The following HS3ST2 variants were observed in gnomAD, a reference collection of about 807,000 sequenced individuals.
HS3ST2 encodes the protein heparan sulfate glucosamine 3-O-sulfotransferase 2.
Under a neutral mutation model 26.3 loss-of-function variants are expected in HS3ST2, and 17 were observed. That is an observed-to-expected ratio of 0.65 (90% CI 0.44 to 0.97). HS3ST2 has a LOEUF of 0.97. Among genes scored for constraint, HS3ST2 ranks in the 50% least tolerant of loss-of-function variants. The pLI, the probability that HS3ST2 is intolerant of heterozygous loss-of-function variation, is 0.00. For synonymous variants in HS3ST2, 237 were observed against 219.2 expected, an observed-to-expected ratio of 1.08 and a Z score of -0.72; for missense variants, 402 against 501.2, an observed-to-expected ratio of 0.80 and a Z score of 1.89.
intron 1 of HS3ST2, among the ~76,000 whole-genome samples, chr16:22,867,998 G>T (rs1490432699): frequency 6.6e-6 from 1 of 152,170 alleles, no homozygotes; most frequent in Non-Finnish European, 1.5e-5. Context: ...CATTGTATAT[G>T]ATCAAGTTTT....
chr16:22,819,821 T>C (rs1055187104), intron 1 of HS3ST2, among the ~76,000 whole-genome samples: 9 of 152,352 alleles, frequency 5.9e-5, no homozygotes, highest in African/African-American at 1.9e-4. Context: ...TATCACATTA[T>C]CCAGTTCATT....
chr16:22,814,720 T>A lies in HS3ST2; in HGVS notation c.110T>A (p.Phe37Tyr). 3 of 1,609,450 alleles carry A rather than the reference T, an allele frequency of 1.9e-6. No individual in the cohort carries two copies. Among genetic ancestry groups the A allele is most frequent in the Non-Finnish European group, 2.5e-6 (3 of 1,178,620 alleles). The change falls in exon 1 of 2, where the codon TTC (phenylalanine) becomes TAC (tyrosine). Residue 37 changes from phenylalanine to tyrosine, a missense_variant. Around this residue, in one of 2 missense-constraint regions of HS3ST2, gnomAD observed 165 missense variants for 154.6 expected, o/e 1.07. Coordinates refer to ENST00000261374, the MANE Select transcript of HS3ST2 (RefSeq NM_006043.2). Reference sequence around the variant, plus strand: ...TCCTGCACTTACCTGTGTTACAGCTTCCTGTGCTGCTGCGACGACCTGGGT... The same window carrying A: ...TCCTGCACTTACCTGTGTTACAGCTACCTGTGCTGCTGCGACGACCTGGGT... ...SLSCTYLCYS[F>Y]LCCCDDLGRS...
intron 1 of HS3ST2, among the ~76,000 whole-genome samples, chr16:22,911,024 T>A (rs1359319064): frequency 6.6e-6 from 1 of 152,108 alleles, no homozygotes; most frequent in Non-Finnish European, 1.5e-5. Context: ...GCTGGGAGTG[T>A]ATGATGAGAA....
At position 22,915,318 on chromosome 16, in the gene HS3ST2, G is replaced by T. The variant is rs142704208; in HGVS notation, c.860G>T (p.Arg287Leu). 6.2e-7 allele frequency: 1 copy of T among 1,614,062 alleles called. No individual in the cohort carries two copies. Among genetic ancestry groups the T allele is most frequent in the Non-Finnish European group, 8.5e-7 (1 of 1,180,006 alleles). ...ACTGACCCGGCCGGCGAGATGGGGC[G>T]AGTCCAGGACTTCCTGGGCATTAAG... ...LITDPAGEMGRVQDFLGIKRF... is the reference protein window; with the variant it reads ...LITDPAGEMGLVQDFLGIKRF... Residue 287 changes from arginine to leucine, a missense_variant, in exon 2 of 2, where the codon CGA (arginine) becomes CTA (leucine). Physicochemically the swap from Arg to Leu is moderately radical, Grantham distance 102. Transcript: ENST00000261374.
At chr16:22,846,123 C>T (rs1406972856) in intron 1 of HS3ST2, among the ~76,000 whole-genome samples, 2 of 152,034 alleles carry the variant, frequency 1.3e-5, no homozygotes, top group Admixed American at 6.6e-5. Context: ...GCTAAAAATA[C>T]AAAATTAGCC....
At chr16:22,877,130 T>TG (rs1901931494) in intron 1 of HS3ST2, among the ~76,000 whole-genome samples, 1 of 151,952 alleles carries the variant, frequency 6.6e-6, no homozygotes, top group Admixed American at 6.6e-5. Context: ...CTTATTGAAA[T>TG]ACAAAAAAAA....
At chr16:22,821,987 T>A (rs1315016599) in intron 1 of HS3ST2, among the ~76,000 whole-genome samples, 3 of 152,134 alleles carry the variant, frequency 2.0e-5, no homozygotes, top group African/African-American at 7.2e-5. Flanking sequence ...TGGCTCCACC[T>A]CAGTGTCCAT....
chr16:22,884,762 G>T (rs1386844494), intron 1 of HS3ST2, among the ~76,000 whole-genome samples: 1 of 147,006 alleles, frequency 6.8e-6, no homozygotes, highest in African/African-American at 2.5e-5. Flanking sequence ...CATCTATCTT[G>T]ACCATCACTC....
At chr16:22,825,984 C>A (rs1901080207) in intron 1 of HS3ST2, among the ~76,000 whole-genome samples, 1 of 152,138 alleles carries the variant, frequency 6.6e-6, no homozygotes, top group Admixed American at 6.5e-5. Flanking sequence ...AATCATGCTG[C>A]TGCACTCCAG....
At chr16:22,874,616 G>A (rs1026656245) in intron 1 of HS3ST2, among the ~76,000 whole-genome samples, 2 of 152,168 alleles carry the variant, frequency 1.3e-5, no homozygotes, top group Non-Finnish European at 2.9e-5. Context: ...CTGGAACGAG[G>A]CATTATTCAC....
chr16:22,906,516 C>T (rs1381999546), intron 1 of HS3ST2, among the ~76,000 whole-genome samples: 1 of 152,186 alleles, frequency 6.6e-6, no homozygotes, highest in South Asian at 2.1e-4. Context: ...TTAACTTCAC[C>T]ACCCCTTCCC....
At chr16:22,875,652 T>A (rs1901905623) in intron 1 of HS3ST2, among the ~76,000 whole-genome samples, 1 of 152,174 alleles carries the variant, frequency 6.6e-6, no homozygotes, top group Non-Finnish European at 1.5e-5. Flanking sequence ...AATACTGGGA[T>A]TACAGGCATG....
chr16:22,822,260 G>T (rs937322237), intron 1 of HS3ST2, among the ~76,000 whole-genome samples: 4 of 152,004 alleles, frequency 2.6e-5, no homozygotes, highest in Non-Finnish European at 4.4e-5. Flanking sequence ...CAACCTCCCA[G>T]GCTCAAGTGA....
At chr16:22,850,911 A>G (rs982801594) in intron 1 of HS3ST2, among the ~76,000 whole-genome samples, 2 of 152,228 alleles carry the variant, frequency 1.3e-5, no homozygotes, top group Non-Finnish European at 2.9e-5. Flanking sequence ...TGAGGGTTCT[A>G]CTGGGATGAA....
intron 1 of HS3ST2, among the ~76,000 whole-genome samples, chr16:22,868,123 A>T (rs998826511): frequency 2.6e-5 from 4 of 152,150 alleles, no homozygotes; most frequent in Non-Finnish European, 5.9e-5. Context: ...GTCTGGAAAG[A>T]TAGGCTGGGC....
chr16:22,816,848 T>C (rs1393784977), intron 1 of HS3ST2, among the ~76,000 whole-genome samples: 1 of 152,204 alleles, frequency 6.6e-6, no homozygotes, highest in Non-Finnish European at 1.5e-5. Context: ...CTTTTGCCAA[T>C]GCGAAGTGCC....
chr16:22,826,964 G>T (rs1405831172), intron 1 of HS3ST2, among the ~76,000 whole-genome samples: 1 of 152,224 alleles, frequency 6.6e-6, no homozygotes, highest in Admixed American at 6.5e-5. Context: ...ATCTATGTCA[G>T]ATGGTGGTAA....
At chr16:22,815,202 G>A in intron 1 of HS3ST2, 107 bp downstream of exon 1, 1 of 1,429,946 alleles carries the variant, frequency 7.0e-7, no homozygotes, top group Non-Finnish European at 9.5e-7. Flanking sequence ...CTCATTGTAT[G>A]GGTTCAGGCT....
intron 1 of HS3ST2, among the ~76,000 whole-genome samples, chr16:22,872,933 G>T (rs548344103): frequency 1.3e-5 from 2 of 152,252 alleles, no homozygotes; most frequent in African/African-American, 4.8e-5. Context: ...AGGCTCTGGA[G>T]CCACAAAGCC....
Sources: allele counts gnomAD v4.1 joint callset (sites outside exome capture counted in the v4.1 genomes callset), GRCh38; gene constraint gnomAD v4.1.1; regional missense constraint gnomAD v4.1.1; transcripts MANE v1.5; gene names NCBI Gene and HGNC (gene_info 2026-07-23, HGNC 2026-07-21).